Variants in RABGAP1L observed in about 807,000 individuals in gnomAD.
RABGAP1L encodes the protein RAB GTPase activating protein 1 like.
In RABGAP1L, 63 loss-of-function variants were observed where a neutral mutation model predicts 137.7. The ratio of observed to expected loss-of-function variants is 0.46; its 90% CI spans 0.37 to 0.56. The LOEUF (loss-of-function observed/expected upper bound fraction) is 0.56, where lower values mean the gene tolerates loss of function less well. RABGAP1L is among the 20% of genes least tolerant of loss of function. RABGAP1L has a pLI of 0.00. For synonymous variants in RABGAP1L, 431 were observed against 433.7 expected (o/e 0.99, Z 0.08); for missense variants, 1,095 against 1,244.0 (o/e 0.88, Z 1.80).
At chr1:174,377,844 T>A in intron 12 of RABGAP1L, among the ~76,000 whole-genome samples, 1 of 148,052 alleles carries the variant, frequency 6.8e-6, no homozygotes, top group Non-Finnish European at 1.5e-5. Context: ...TGCAGGTTAG[T>A]TACATATGTA....
chr1:174,671,587 T>C (rs1677179145), intron 14 of RABGAP1L, among the ~76,000 whole-genome samples: 1 of 152,240 alleles, frequency 6.6e-6, no homozygotes, highest in Non-Finnish European at 1.5e-5. Flanking sequence ...TCATTTCTTC[T>C]TCTAATGTGA....
chr1:174,544,534 G>A (rs1029281118), intron 13 of RABGAP1L, among the ~76,000 whole-genome samples: 11 of 152,082 alleles, frequency 7.2e-5, no homozygotes, highest in African/African-American at 2.7e-4. Flanking sequence ...CTTTGCAATG[G>A]GTTCAAACAT....
chr1:174,214,047 A>G (rs963144321), intron 1 of RABGAP1L, among the ~76,000 whole-genome samples: 1 of 152,230 alleles, frequency 6.6e-6, no homozygotes, highest in Admixed American at 6.5e-5. Context: ...GGAAAATGTC[A>G]GATTATCCTT....
intron 13 of RABGAP1L, among the ~76,000 whole-genome samples, chr1:174,479,261 A>G (rs964994964): frequency 6.6e-6 from 1 of 152,208 alleles, no homozygotes. Flanking sequence ...GGTTACATCT[A>G]TATGTCTAGT....
chr1:174,943,869 C>T (rs1189296709), intron 19 of RABGAP1L, among the ~76,000 whole-genome samples: 2 of 152,264 alleles, frequency 1.3e-5, no homozygotes, highest in Admixed American at 6.5e-5. Context: ...ACTGTAAACT[C>T]CTCCAGGGGA....
chr1:174,756,951 C>T, intron 18 of RABGAP1L: 1 of 928,030 alleles, frequency 1.1e-6, no homozygotes, highest in Middle Eastern at 2.9e-4. Context: ...CAGAAGAGGT[C>T]TTCATCTTTC....
chr1:174,863,469 C>T (rs1270817792), intron 19 of RABGAP1L, among the ~76,000 whole-genome samples: 2 of 150,532 alleles, frequency 1.3e-5, no homozygotes, highest in Admixed American at 6.6e-5. Context: ...GTCAGGAGAT[C>T]GAGACCATCC....
chr1:174,643,121 C>T (rs7538539), intron 14 of RABGAP1L, among the ~76,000 whole-genome samples: 1,575 of 152,144 alleles, frequency 0.01, 34 homozygotes, highest in African/African-American at 0.036. Flanking sequence ...ACTGACTAAG[C>T]GCTCCTCCTA....
At chr1:174,411,811 C>T (rs1329732303) in intron 13 of RABGAP1L, among the ~76,000 whole-genome samples, 5 of 152,058 alleles carry the variant, frequency 3.3e-5, no homozygotes, top group Non-Finnish European at 5.9e-5. Flanking sequence ...CTTTTTGATA[C>T]TGATTTCTAT....
intron 11 of RABGAP1L, among the ~76,000 whole-genome samples, chr1:174,349,391 G>T (rs1345732580): frequency 1.8e-4 from 24 of 136,804 alleles, no homozygotes; most frequent in Non-Finnish European, 3.2e-4. Flanking sequence ...GGACGGGGCG[G>T]CTGGCCGGGT....
intron 13 of RABGAP1L, among the ~76,000 whole-genome samples, chr1:174,449,409 G>A (rs907594980): frequency 6.6e-6 from 1 of 152,078 alleles, no homozygotes; most frequent in Non-Finnish European, 1.5e-5. Flanking sequence ...AATAATTATA[G>A]CATGTGAGTA....
chr1:174,919,699 A>G (rs1041098902), intron 19 of RABGAP1L, among the ~76,000 whole-genome samples: 1 of 152,128 alleles, frequency 6.6e-6, no homozygotes, highest in African/African-American at 2.4e-5. Flanking sequence ...ACAAAAAAAA[A>G]TTAAAAAATT....
chr1:174,637,594 C>A, intron 14 of RABGAP1L, 106 bp downstream of exon 14: 1 of 796,176 alleles, frequency 1.3e-6, no homozygotes, highest in Non-Finnish European at 2.1e-6. Flanking sequence ...TTGCACTATG[C>A]CATGTTTTCT....
At chr1:174,964,702 A>G (rs1669458939) in intron 20 of RABGAP1L, 2 of 909,748 alleles carry the variant, frequency 2.2e-6, no homozygotes, top group Non-Finnish European at 3.0e-6. Context: ...GTAAACAGCA[A>G]TGTGGAGAGG....
At chr1:174,920,910 T>C (rs1303475563) in intron 19 of RABGAP1L, among the ~76,000 whole-genome samples, 1 of 152,116 alleles carries the variant, frequency 6.6e-6, no homozygotes, top group African/African-American at 2.4e-5. Flanking sequence ...AGCCCTTCAG[T>C]CTGTGGTACT....
intron 19 of RABGAP1L, among the ~76,000 whole-genome samples, chr1:174,821,078 A>T (rs373580556): frequency 6.6e-6 from 1 of 151,492 alleles, no homozygotes; most frequent in African/African-American, 2.4e-5. Context: ...CAGCAAAACC[A>T]TGCCAATTAC....
chr1:174,787,513 A>G (rs1687543141), intron 18 of RABGAP1L, among the ~76,000 whole-genome samples: 1 of 152,196 alleles, frequency 6.6e-6, no homozygotes, highest in African/African-American at 2.4e-5. Context: ...GTAGATAAGA[A>G]AAGCATAATT....
chr1:174,669,736 G>A (rs775575464), intron 14 of RABGAP1L, among the ~76,000 whole-genome samples: 14 of 152,178 alleles, frequency 9.2e-5, no homozygotes, highest in Non-Finnish European at 1.6e-4. Context: ...TGAAGAGACT[G>A]TTCTTTCCAC....
intron 13 of RABGAP1L, among the ~76,000 whole-genome samples, chr1:174,407,588 T>C (rs1649423303): frequency 6.6e-6 from 1 of 152,236 alleles, no homozygotes. Context: ...TGTAGCTGCA[T>C]TGACAGCTTC....
Sources: allele counts gnomAD v4.1 joint callset (sites outside exome capture counted in the v4.1 genomes callset), GRCh38; gene constraint gnomAD v4.1.1; transcripts MANE v1.5; gene names NCBI Gene and HGNC (gene_info 2026-07-23, HGNC 2026-07-21).